SLC22A15: variants seen among roughly 807,000 people sequenced by gnomAD.
The protein encoded by SLC22A15 is solute carrier family 22 member 15, also known as flipt 1.
SLC22A15 carries 45 observed loss-of-function variants against 62.7 expected under a neutral mutation model. That is an observed-to-expected ratio of 0.72 (90% CI 0.56 to 0.92). The LOEUF (loss-of-function observed/expected upper bound fraction) is 0.92. Among genes scored for constraint, SLC22A15 ranks in the 40% least tolerant of loss-of-function variants. The probability of loss-of-function intolerance (pLI) is 0.00; values close to 1 mark genes in which losing one functional copy is unlikely to be tolerated. For synonymous variants in SLC22A15, 264 were observed against 267.0 expected (o/e 0.99, Z 0.11); for missense variants, 622 against 665.6 (o/e 0.93, Z 0.72).
At chr1:116,025,994 T>C (rs1029876153) in intron 4 of SLC22A15, among the ~76,000 whole-genome samples, 1 of 152,310 alleles carries the variant, frequency 6.6e-6, no homozygotes, top group African/African-American at 2.4e-5. Flanking sequence ...CAAAAATCCA[T>C]GCTTAAGGGA....
In SLC22A15 at chr1:116,035,717, A is replaced by G. The variant is rs77739436; in HGVS notation, c.1085+390A>G. Among the ~76,000 whole-genome samples, 996 of 152,288 alleles carry G rather than the reference A, an allele frequency of 6.5e-3. 8 individuals are homozygous for G. Among genetic ancestry groups the G allele is most frequent in the African/African-American group, 0.023 (953 of 41,554 alleles). On this transcript the variant is annotated intron_variant, in intron 7 of 11. Transcript: ENST00000369503. ...ATAAATATTTAGAAGTTCTTACAAG[A>G]AGACAAATAATTGAAGGAACTAGAA...
chr1:116,004,409 T>C (rs901240027), intron 2 of SLC22A15, among the ~76,000 whole-genome samples: 2 of 152,226 alleles, frequency 1.3e-5, no homozygotes, highest in Non-Finnish European at 2.9e-5. Context: ...ATTTTTATTA[T>C]GAATGTATAT....
chr1:115,980,682 A>G (rs1654568402), intron 1 of SLC22A15, among the ~76,000 whole-genome samples: 1 of 152,104 alleles, frequency 6.6e-6, no homozygotes, highest in African/African-American at 2.4e-5. Context: ...AACATGGAGT[A>G]GAAAGATCCA....
Position 116,068,567 on chromosome 1 carries a change from G to T in SLC22A15, c.*1459G>T, listed in dbSNP as rs1658549362. On this transcript the variant is annotated 3_prime_UTR_variant, in exon 12 of 12. Coordinates refer to ENST00000369503, the MANE Select transcript of SLC22A15 (RefSeq NM_018420.3). ...TCTTTTATGCCCTTGATTATTAGTT[G>T]GGCTCTTCATAAACAGAGGCCATCT... 1 of 152,028 alleles carries T rather than the reference G, an allele frequency of 6.6e-6. No homozygotes were observed. The highest frequency in any genetic ancestry group is 1.5e-5 in the Non-Finnish European group (1 of 68,010). The allele number at this position is 152,028 out of a possible 1,614,324, so 9.4% of individuals were successfully genotyped here.
In SLC22A15 at chr1:116,020,766, C is replaced by A. The variant is rs1656787122; in HGVS notation, c.479C>A (p.Pro160His). The change falls in exon 4 of 12, where the codon CCC becomes CAC. Residue 160 changes from proline (P) to histidine (H), a missense_variant. Physicochemically the swap from Pro to His is moderately conservative, Grantham distance 77. Coordinates refer to ENST00000369503, the MANE Select transcript of SLC22A15 (RefSeq NM_018420.3). ...TTTGCAATTGCAAATGGATTTTCCC[C>A]CTCATATGAGTTCTTTGCAGTAACT... ...ILFAIANGFS[P>H]SYEFFAVTRF... 2 of 1,613,338 alleles carry A rather than the reference C, an allele frequency of 1.2e-6. No individual in the cohort carries two copies. Among genetic ancestry groups the A allele is most frequent in the Admixed American group, 1.7e-5 (1 of 59,972 alleles).
chr1:116,038,021 A>G lies in SLC22A15; in HGVS notation c.1171+633A>G, dbSNP rs892260474. On this transcript the variant is annotated intron_variant, in intron 8 of 11. Coordinates refer to ENST00000369503, the MANE Select transcript of SLC22A15 (RefSeq NM_018420.3). ...ACCTGATTACTGCCCCTGTGTAGAC[A>G]TTCTGTAGCTATTGCTGGTTTTCAA... Among the ~76,000 whole-genome samples the G allele has an allele frequency of 1.3e-5, 2 of 152,134 alleles. 1 individual carries two copies. Among genetic ancestry groups the G allele is most frequent in the Admixed American group, 1.3e-4 (2 of 15,268 alleles).
intron 1 of SLC22A15, among the ~76,000 whole-genome samples, chr1:115,984,316 A>T (rs1463047498): frequency 6.6e-6 from 1 of 152,156 alleles, no homozygotes; most frequent in African/African-American, 2.4e-5. Flanking sequence ...AGCAGCCTTT[A>T]CTACCTGCTC....
chr1:116,049,443 G>T (rs1305997348), intron 8 of SLC22A15, among the ~76,000 whole-genome samples: 1 of 151,992 alleles, frequency 6.6e-6, no homozygotes, highest in Non-Finnish European at 1.5e-5. Context: ...AACTCCAAAA[G>T]GAACCTTCAA....
chr1:116,026,841 G>A (rs1657117697), intron 4 of SLC22A15, 52 bp from the exon 5 acceptor site: 2 of 1,596,476 alleles, frequency 1.3e-6, no homozygotes, highest in Admixed American at 3.4e-5. Context: ...GGTTGGAAAT[G>A]GTGCTGCAGA....
At chr1:116,022,947 T>A (rs1199761197) in intron 4 of SLC22A15, among the ~76,000 whole-genome samples, 1 of 152,122 alleles carries the variant, frequency 6.6e-6, no homozygotes, top group Non-Finnish European at 1.5e-5. Flanking sequence ...TGAACCGAGG[T>A]CTTCCCCAGG....
Position 116,020,758 on chromosome 1 carries a change from A to T in SLC22A15, c.471A>T (p.Gly157=). 6.2e-7 allele frequency: 1 copy of T among 1,612,444 alleles called. No homozygotes were observed. The highest frequency in any genetic ancestry group is 8.5e-7 in the Non-Finnish European group (1 of 1,179,082). Residue 157 remains glycine, a synonymous_variant, in exon 4 of 12, where the codon GGA becomes GGT. Coordinates refer to ENST00000369503, the MANE Select transcript of SLC22A15 (RefSeq NM_018420.3). ...ACATCTTATTTGCAATTGCAAATGG[A>T]TTTTCCCCCTCATATGAGTTCTTTG... ...ALDILFAIAN[G]FSPSYEFFAV... is the part of the protein sequence containing the mutation.
At chr1:116,010,468 G>A (rs1656194828) in intron 2 of SLC22A15, among the ~76,000 whole-genome samples, 1 of 152,102 alleles carries the variant, frequency 6.6e-6, no homozygotes, top group African/African-American at 2.4e-5. Context: ...ATAGCCTGCA[G>A]ACTTCACCCA....
At chr1:116,064,262 T>C (rs1479299071) in intron 9 of SLC22A15, among the ~76,000 whole-genome samples, 174 bp from the exon 10 acceptor site, 1 of 151,862 alleles carries the variant, frequency 6.6e-6, no homozygotes. Flanking sequence ...TGGGTAATTA[T>C]AGAACATTCC....
intron 9 of SLC22A15, 144 bp downstream of exon 9, chr1:116,063,026 G>A (rs771944198): frequency 1.5e-5 from 15 of 1,026,050 alleles, no homozygotes; most frequent in African/African-American, 1.6e-5. Flanking sequence ...TAGGGTGAGA[G>A]CTTGCCTTGG....
intron 5 of SLC22A15, among the ~76,000 whole-genome samples, chr1:116,028,877 T>G (rs183545340): frequency 6.6e-6 from 1 of 152,308 alleles, no homozygotes; most frequent in East Asian, 1.9e-4. Flanking sequence ...CTGTCCTGAT[T>G]TTCTCAAATG....
At chr1:116,006,137 C>G (rs1460763665) in intron 2 of SLC22A15, among the ~76,000 whole-genome samples, 1 of 152,132 alleles carries the variant, frequency 6.6e-6, no homozygotes, top group Non-Finnish European at 1.5e-5. Flanking sequence ...GTATCCTAAT[C>G]TATAATTAGG....
rs36098680 is a variant in SLC22A15 at position 115,989,781 on chromosome 1, C to CAAA, written c.88-2239_88-2237dup. Among the ~76,000 whole-genome samples the CAAA allele has an allele frequency of 1.8e-4, 26 of 145,920 alleles. 1 individual carries two copies. Among genetic ancestry groups the CAAA allele is most frequent in the African/African-American group, 5.8e-4 (23 of 39,808 alleles). ...GGGTGACAAGAGTGAAACTCAGTCTCAAAAAAAAAAAAATGATATGTTAAC... is the reference window on the plus strand; with the variant it reads ...GGGTGACAAGAGTGAAACTCAGTCTCAAAAAAAAAAAAAAAATGATATGTTAAC... On this transcript the variant is annotated intron_variant, in intron 1 of 11. Coordinates refer to ENST00000369503, the MANE Select transcript of SLC22A15 (RefSeq NM_018420.3).
chr1:116,025,934 G>A (rs777808806), intron 4 of SLC22A15, among the ~76,000 whole-genome samples: 12 of 152,136 alleles, frequency 7.9e-5, no homozygotes, highest in Admixed American at 4.6e-4. Flanking sequence ...TTCAAAAAGC[G>A]TAAGGTTCTT....
chr1:116,021,359 T>G (rs1656828892), intron 4 of SLC22A15, among the ~76,000 whole-genome samples: 1 of 152,230 alleles, frequency 6.6e-6, no homozygotes, highest in Non-Finnish European at 1.5e-5. Context: ...TTTCCAAAAT[T>G]GAGACTGTAT....
Sources: allele counts gnomAD v4.1 joint callset (sites outside exome capture counted in the v4.1 genomes callset), GRCh38; gene constraint gnomAD v4.1.1; transcripts MANE v1.5; gene names NCBI Gene and HGNC (gene_info 2026-07-23, HGNC 2026-07-21).